The following WDFY1 variants were observed in gnomAD, a reference collection of about 807,000 sequenced individuals.
The protein encoded by WDFY1 is WD repeat and FYVE domain-containing protein 1.
In WDFY1, 32 loss-of-function variants were observed where a neutral mutation model predicts 56.4. That is an observed-to-expected ratio of 0.57 (90% CI 0.43 to 0.76). The LOEUF (loss-of-function observed/expected upper bound fraction) is 0.76. WDFY1 is among the 30% of genes least tolerant of loss of function. WDFY1 has a pLI of 0.00. For missense variants in WDFY1, 480 were observed against 545.7 expected (o/e 0.88, Z 1.20); for synonymous variants, 192 against 197.3 (o/e 0.97, Z 0.23).
chr2:223,887,622 G>T (rs1370890899), intron 8 of WDFY1, among the ~76,000 whole-genome samples: 1 of 151,986 alleles, frequency 6.6e-6, no homozygotes, highest in Non-Finnish European at 1.5e-5. Context: ...GTTAATGGCT[G>T]GATTTTCTAT....
At chr2:223,894,199 C>A (rs1194064484) in intron 8 of WDFY1, 35 bp downstream of exon 8, 1 of 1,609,226 alleles carries the variant, frequency 6.2e-7, no homozygotes, top group Non-Finnish European at 8.5e-7. Context: ...CTGGGGGTCT[C>A]CCCCGATCAG....
rs77996990 is a variant in WDFY1, at chr2:223,894,549, C to T, written c.726-210G>A. 1,461 of 549,014 alleles carry T rather than the reference C, an allele frequency of 2.7e-3. 28 individuals are homozygous for T. In the East Asian group the frequency reaches 0.038, roughly 14 times the overall value. The allele number at this position is 549,014 out of a possible 1,614,324, so 34.0% of individuals were successfully genotyped here. ...ATGATACTTTCTATAAAATATATGA[C>T]TACTTTCAAATCGGTCATTAAGAAT... On this transcript the variant is annotated intron_variant, in intron 7 of 11. Transcript: ENST00000233055.
At chr2:223,913,594 C>T (rs1237352950) in intron 2 of WDFY1, among the ~76,000 whole-genome samples, 1 of 152,078 alleles carries the variant, frequency 6.6e-6, no homozygotes. Flanking sequence ...TTTAATAAAC[C>T]ATGCATACAC....
chr2:223,893,588 T>TG (rs1021685619), intron 8 of WDFY1, among the ~76,000 whole-genome samples: 3 of 151,642 alleles, frequency 2.0e-5, no homozygotes, highest in Non-Finnish European at 4.4e-5. Flanking sequence ...TCTAAAGAAC[T>TG]GGAAGACAAC....
chr2:223,918,397 G>C (rs1287746621), intron 1 of WDFY1, among the ~76,000 whole-genome samples: 2 of 152,166 alleles, frequency 1.3e-5, no homozygotes, highest in East Asian at 3.9e-4. Flanking sequence ...GGGAGGCCGA[G>C]GCAGGCGGAT....
At chr2:223,898,168 C>T (rs1166597545) in intron 6 of WDFY1, among the ~76,000 whole-genome samples, 3 of 152,112 alleles carry the variant, frequency 2.0e-5, no homozygotes, top group Non-Finnish European at 2.9e-5. Flanking sequence ...CACTGCACTA[C>T]AGAAATGAAA....
intron 10 of WDFY1, among the ~76,000 whole-genome samples, chr2:223,881,509 G>A (rs1206946302): frequency 6.6e-6 from 1 of 152,176 alleles, no homozygotes. Context: ...TGGCTTAGGG[G>A]CCAGGCACGG....
At chr2:223,886,930 C>T (rs1693183717) in intron 8 of WDFY1, among the ~76,000 whole-genome samples, 1 of 152,030 alleles carries the variant, frequency 6.6e-6, no homozygotes, top group African/African-American at 2.4e-5. Context: ...AGATCGGTCA[C>T]TAGAAATATT....
At chr2:223,915,135 G>C (rs770501126) in intron 2 of WDFY1, among the ~76,000 whole-genome samples, 4 of 152,194 alleles carry the variant, frequency 2.6e-5, no homozygotes, top group Non-Finnish European at 4.4e-5. Flanking sequence ...CATTCACTCT[G>C]TTTTCTTCTT....
chr2:223,883,986 T>G (rs1693126667), intron 9 of WDFY1, among the ~76,000 whole-genome samples: 1 of 151,408 alleles, frequency 6.6e-6, no homozygotes, highest in African/African-American at 2.4e-5. Flanking sequence ...GGCTAATCGC[T>G]CATAGAGATG....
intron 1 of WDFY1, among the ~76,000 whole-genome samples, chr2:223,926,924 T>C (rs1019662007): frequency 6.6e-6 from 1 of 152,182 alleles, no homozygotes; most frequent in Non-Finnish European, 1.5e-5. Context: ...TGCTTCGGCC[T>C]CCCAAAGTGC....
chr2:223,944,761 AGGAGGGGCGAGGTGGGCTG>A (rs1689377491), intron 1 of WDFY1, among the ~76,000 whole-genome samples: 1 of 104,190 alleles, frequency 9.6e-6, no homozygotes, highest in Non-Finnish European at 2.0e-5. Context: ...GGTCCTGAGC[AGGAGGGGCGAGGTGGGCTG>A]GGAGGGGCGC....
rs71058956 is a variant in WDFY1, at chr2:223,896,155, C to CAAAAAAAAAAAAAAAAA, written c.599-542_599-526dup. Among the ~76,000 whole-genome samples, 80 of 39,824 alleles carry CAAAAAAAAAAAAAAAAA rather than the reference C, an allele frequency of 2.0e-3. 7 individuals carry two copies. Among genetic ancestry groups the CAAAAAAAAAAAAAAAAA allele is most frequent in the African/African-American group, 3.4e-3 (32 of 9,472 alleles). The allele number at this position is 39,824 out of a possible 152,430, so 26.1% of individuals were successfully genotyped here. On this transcript the variant is annotated intron_variant, in intron 6 of 11. Coordinates refer to ENST00000233055, the MANE Select transcript of WDFY1 (RefSeq NM_020830.5). ...TGGGTGACAGAGTGAGACTCTGTCT[C>CAAAAAAAAAAAAAAAAA]AAAAAAAAAAAAAAAAAAAAAAAAA...
intron 8 of WDFY1, among the ~76,000 whole-genome samples, chr2:223,889,772 G>C (rs545999166): frequency 6.6e-6 from 1 of 152,316 alleles, no homozygotes; most frequent in African/African-American, 2.4e-5. Context: ...ACCTCATAAG[G>C]TTGTGAGGAT....
intron 1 of WDFY1, among the ~76,000 whole-genome samples, chr2:223,919,264 G>A (rs930355175): frequency 2.0e-5 from 3 of 152,196 alleles, no homozygotes; most frequent in African/African-American, 7.2e-5. Context: ...AGGTTGGAGC[G>A]CAGTGGCACG....
chr2:223,904,127 T>C (rs959547508), intron 4 of WDFY1, among the ~76,000 whole-genome samples: 4 of 152,358 alleles, frequency 2.6e-5, no homozygotes, highest in Admixed American at 6.5e-5. Flanking sequence ...AACACCATAA[T>C]GCTAGTACAT....
chr2:223,908,055 C>G (rs1693629168), intron 3 of WDFY1, among the ~76,000 whole-genome samples: 1 of 33,066 alleles, frequency 3.0e-5, no homozygotes, highest in South Asian at 1.2e-3. Flanking sequence ...GATGAGGTCT[C>G]ACTAATATTG....
chr2:223,891,062 C>T (rs1693266360), intron 8 of WDFY1, among the ~76,000 whole-genome samples: 1 of 151,932 alleles, frequency 6.6e-6, no homozygotes, highest in South Asian at 2.1e-4. Flanking sequence ...TCCTCTATGC[C>T]CTGGTCTAAG....
chr2:223,899,318 G>A, intron 5 of WDFY1: 1 of 398,834 alleles, frequency 2.5e-6, no homozygotes, highest in East Asian at 4.5e-5. Context: ...TCATTCAACA[G>A]GAACTCATTG....
Sources: gnomAD v4.1 joint callset for allele counts (sites outside exome capture counted in the v4.1 genomes callset) on GRCh38, gnomAD v4.1.1 for gene constraint, MANE v1.5 for transcripts, NCBI Gene and HGNC (gene_info 2026-07-23, HGNC 2026-07-21) for gene names.